The following FAM107A variants were observed in gnomAD, a reference collection of about 807,000 sequenced individuals.
FAM107A encodes the protein actin-associated protein FAM107A.
A neutral mutation model predicts 13.7 loss-of-function variants in FAM107A; 19 were observed. The observed-to-expected ratio is 1.38, with a 90% CI of 0.97 to 2.03. The LOEUF (loss-of-function observed/expected upper bound fraction) is 2.03. Ranked by LOEUF, FAM107A falls within the 30% of genes most tolerant of loss-of-function variation. FAM107A has a pLI of 0.00. For synonymous variants in FAM107A, 82 were observed against 74.5 expected (o/e 1.10, Z -0.52); for missense variants, 203 against 184.4 (o/e 1.10, Z -0.58).
chr3:58,626,970 C>A (rs961334646), intron 1 of FAM107A: 17 of 1,535,950 alleles, frequency 1.1e-5, no homozygotes, highest in Non-Finnish European at 1.3e-5. Flanking sequence ...GAGGTTCCTA[C>A]CTTCTTCCCC....
At chr3:58,585,179 G>T (rs2065591030) in intron 1 of FAM107A, among the ~76,000 whole-genome samples, 1 of 152,192 alleles carries the variant, frequency 6.6e-6, no homozygotes, top group Non-Finnish European at 1.5e-5. Flanking sequence ...TGCGTGGGTT[G>T]ATAGCTAAGA....
At chr3:58,577,504 G>C (rs913115382), upstream of FAM107A, 2 of 985,248 alleles carry the variant, frequency 2.0e-6, no homozygotes, top group Non-Finnish European at 2.4e-6. This position sits in a 1 kb window ranked among gnomAD's most constrained non-coding sequence, Gnocchi z 4.9. Flanking sequence ...CAATAAAAAG[G>C]AACTGTTACT....
chr3:58,611,713 T>C (rs1346688708), intron 1 of FAM107A, among the ~76,000 whole-genome samples: 1 of 152,232 alleles, frequency 6.6e-6, no homozygotes, highest in Non-Finnish European at 1.5e-5. Flanking sequence ...CCCATTGACC[T>C]GCTGTGTGGC....
At chr3:58,611,179 A>C (rs1375601297) in intron 1 of FAM107A, among the ~76,000 whole-genome samples, 2 of 152,188 alleles carry the variant, frequency 1.3e-5, no homozygotes, top group Non-Finnish European at 2.9e-5. Flanking sequence ...GAGTCAATTA[A>C]ACCTCTTTTC....
At chr3:58,607,184 T>C (rs1435051809) in intron 1 of FAM107A, 1 of 152,252 alleles carries the variant, frequency 6.6e-6, no homozygotes, top group African/African-American at 2.4e-5. Context: ...CCCTCTCTGG[T>C]TTTTACACAG....
chr3:58,621,225 C>T (rs1461660174), intron 1 of FAM107A, among the ~76,000 whole-genome samples: 1 of 152,130 alleles, frequency 6.6e-6, no homozygotes, highest in Non-Finnish European at 1.5e-5. Context: ...ATGCTCACAA[C>T]CCCAGCATAC....
At chr3:58,598,708 C>G (rs1437563197) in intron 1 of FAM107A, among the ~76,000 whole-genome samples, 1 of 152,164 alleles carries the variant, frequency 6.6e-6, no homozygotes, top group African/African-American at 2.4e-5. Flanking sequence ...CCAATCTCAC[C>G]CCTTTCCCTG....
intron 1 of FAM107A, among the ~76,000 whole-genome samples, chr3:58,608,593 C>G (rs1485323697): frequency 2.6e-5 from 4 of 152,232 alleles, no homozygotes; most frequent in Non-Finnish European, 5.9e-5. Flanking sequence ...AGTCCCACAG[C>G]TGGCAAGTGG....
At chr3:58,567,668 AGGTAGAATTGCTG>A (rs1249850001) in intron 2 of FAM107A, among the ~76,000 whole-genome samples, 2 of 152,234 alleles carry the variant, frequency 1.3e-5, no homozygotes, top group Non-Finnish European at 2.9e-5. Context: ...ACTTTCCTAA[AGGTAGAATTGCTG>A]GGTCAGGCTC....
chr3:58,602,288 T>C (rs1244923658), intron 1 of FAM107A, among the ~76,000 whole-genome samples: 1 of 152,044 alleles, frequency 6.6e-6, no homozygotes, highest in Non-Finnish European at 1.5e-5. Flanking sequence ...ACCTATCAGA[T>C]TGGCAAAAAT....
In FAM107A at chr3:58,622,255, A is replaced by G. The variant is rs139279514; in HGVS notation, c.-70+5161T>C. On this transcript the variant is annotated intron_variant, in intron 1 of 3. Transcript: ENST00000465970. ...GGAGTTCGAGACCAGCCTGGCCAAC[A>G]TGACAAAACCCCATCTCTACTAAAA... 4.5e-4 allele frequency among the ~76,000 whole-genome samples: 68 copies of G among 152,302 alleles called. No homozygotes were observed. In the East Asian group the frequency reaches 0.011, roughly 25 times the overall value.
Position 58,569,547 on chromosome 3 carries a change from G to T in FAM107A, c.170+144C>A, listed in dbSNP as rs1047353848. The T allele has an allele frequency of 1.4e-6, 1 of 691,742 alleles. No homozygotes were observed. The highest frequency in any genetic ancestry group is 2.5e-6 in the Non-Finnish European group (1 of 408,000). 42.9% of individuals were successfully genotyped at this position (691,742 alleles called of 1,614,324 possible). ...GACAGGGTCTTTACAGGTTTTGCCG[G>T]TGATCATGTGGGGCACCTCAGCCTT... On this transcript the variant is annotated intron_variant, in intron 2 of 3. Coordinates refer to ENST00000360997, the MANE Select transcript of FAM107A (RefSeq NM_001076778.3). This position sits in a 1 kb window ranked among gnomAD's most constrained non-coding sequence, Gnocchi z 5.7.
At chr3:58,584,733 T>C (rs958015897) in intron 1 of FAM107A, among the ~76,000 whole-genome samples, 1 of 152,184 alleles carries the variant, frequency 6.6e-6, no homozygotes, top group Non-Finnish European at 1.5e-5. Flanking sequence ...TCCATTTACA[T>C]AGGGCATGCA....
At chr3:58,618,766 C>T (rs1329423349) in intron 1 of FAM107A, among the ~76,000 whole-genome samples, 1 of 151,962 alleles carries the variant, frequency 6.6e-6, no homozygotes, top group Non-Finnish European at 1.5e-5. Flanking sequence ...TGAAGAAGGG[C>T]CCTGGTGGGC....
At chr3:58,594,270 C>A (rs1252132042) in intron 1 of FAM107A, among the ~76,000 whole-genome samples, 1 of 152,180 alleles carries the variant, frequency 6.6e-6, no homozygotes, top group Non-Finnish European at 1.5e-5. Context: ...TGGCTACCTT[C>A]CCCTTGTTCT....
At position 58,583,732 on chromosome 3, in the gene FAM107A, G is replaced by A. The variant is rs115107006; in HGVS notation, c.79+3126C>T. On this transcript the variant is annotated intron_variant, in intron 1 of 3. Coordinates refer to the FAM107A transcript ENST00000447756. ...GTCTTGCTCTGTTGCTCAGGCTGGAGGGCAGTGGAGCAAACACAGCTCATG... is the reference window on the plus strand; with the variant it reads ...GTCTTGCTCTGTTGCTCAGGCTGGAAGGCAGTGGAGCAAACACAGCTCATG... 6.2e-3 allele frequency among the ~76,000 whole-genome samples: 945 copies of A among 151,872 alleles called. 7 individuals are homozygous for A. The highest frequency in any genetic ancestry group is 0.022 in the African/African-American group (898 of 41,386).
Position 58,577,367 on chromosome 3 carries a change from C to A in FAM107A, c.-64G>T. On this transcript the variant is annotated 5_prime_UTR_variant, in exon 1 of 4. Coordinates refer to ENST00000360997, the MANE Select transcript of FAM107A (RefSeq NM_001076778.3). This position sits in a 1 kb window ranked among gnomAD's most constrained non-coding sequence, Gnocchi z 4.9. ...GAGCGTGTTGCTGGGTTCCTCACTC[C>A]ACCGGGAAGTCCCAGACTAGCAAGG... 1.0e-6 allele frequency: 1 copy of A among 985,410 alleles called. No individual in the cohort carries two copies. The highest frequency in any genetic ancestry group is 1.2e-6 in the Non-Finnish European group (1 of 829,952). 61.0% of individuals were successfully genotyped at this position (985,410 alleles called of 1,614,324 possible). A position where few individuals can be genotyped will look rare whatever the true frequency, so the allele number is the denominator to read the frequency against.
chr3:58,590,613 G>C (rs1436362097), upstream of FAM107A, among the ~76,000 whole-genome samples: 1 of 152,180 alleles, frequency 6.6e-6, no homozygotes, highest in African/African-American at 2.4e-5. Flanking sequence ...GGGGAAGCAA[G>C]GCATATTTTA....
chr3:58,616,275 G>T (rs1270505707), intron 1 of FAM107A, among the ~76,000 whole-genome samples: 2 of 152,080 alleles, frequency 1.3e-5, no homozygotes, highest in African/African-American at 2.4e-5. Flanking sequence ...GGATGGATGG[G>T]TCTCAGCCAG....
Sources: allele counts gnomAD v4.1 joint callset (sites outside exome capture counted in the v4.1 genomes callset), GRCh38; gene constraint gnomAD v4.1.1; non-coding constraint Gnocchi (gnomAD v3.1); transcripts MANE v1.5; gene names NCBI Gene and HGNC (gene_info 2026-07-23, HGNC 2026-07-21).